The following PFKFB3 variants were observed in gnomAD, a reference collection of about 807,000 sequenced individuals.
The protein encoded by PFKFB3 is 6-phosphofructo-2-kinase/fructose-2,6-biphosphatase 3.
In PFKFB3, 33 loss-of-function variants were observed where a neutral mutation model predicts 68.0. The ratio of observed to expected loss-of-function variants is 0.49; its 90% confidence interval spans 0.37 to 0.65. PFKFB3 has a LOEUF of 0.65. Among genes scored for constraint, PFKFB3 ranks in the 30% least tolerant of loss-of-function variants. The probability of loss-of-function intolerance (pLI) is 0.00; values close to 1 mark genes in which losing one functional copy is unlikely to be tolerated. For missense variants in PFKFB3, 586 were observed against 712.2 expected (o/e 0.82, Z 2.02); for synonymous variants, 315 against 288.2 (o/e 1.09, Z -0.94).
intron 14 of PFKFB3, chr10:6,231,638 T>C: frequency 1.0e-6 from 1 of 957,664 alleles, no homozygotes; most frequent in Non-Finnish European, 1.2e-6. Context: ...CGGAGGGAAA[T>C]GTCAGCCCTG....
At chr10:6,189,046 A>C (rs528230403) in intron 1 of PFKFB3, among the ~76,000 whole-genome samples, 1 of 152,018 alleles carries the variant, frequency 6.6e-6, no homozygotes, top group African/African-American at 2.4e-5. Flanking sequence ...TCACTGTGTT[A>C]GCCAGGATGG....
At chr10:6,291,954 T>TG in the PFKFB3 span, among the ~76,000 whole-genome samples, 1 of 145,084 alleles carries the variant, frequency 6.9e-6, no homozygotes, top group African/African-American at 2.6e-5. Context: ...GGTTTTTTTT[T>TG]TTTTTTTTTT....
the PFKFB3 span, among the ~76,000 whole-genome samples, chr10:6,273,326 G>A: frequency 2.8e-4 from 43 of 152,020 alleles, no homozygotes; most frequent in African/African-American, 4.1e-4. Context: ...AGTTTTCCCC[G>A]TTCCTCTTCT....
chr10:6,232,365 C>G (rs1349767094), intron 14 of PFKFB3, among the ~76,000 whole-genome samples: 1 of 152,106 alleles, frequency 6.6e-6, no homozygotes, highest in African/African-American at 2.4e-5. Context: ...CTGCCTGGCT[C>G]CCCACCTGGG....
chr10:6,326,516 C>G, the PFKFB3 span: 2 of 455,034 alleles, frequency 4.4e-6, no homozygotes, highest in Non-Finnish European at 8.8e-6. Flanking sequence ...ACATTTGGAA[C>G]TGTGCTGATA....
At chr10:6,161,977 A>G (rs1841987293) in intron 1 of PFKFB3, among the ~76,000 whole-genome samples, 1 of 152,198 alleles carries the variant, frequency 6.6e-6, no homozygotes, top group South Asian at 2.1e-4. Flanking sequence ...AACCATCACC[A>G]CCAACCATCT....
At chr10:6,226,593 C>A in intron 14 of PFKFB3, 1 of 552,526 alleles carries the variant, frequency 1.8e-6, no homozygotes, top group South Asian at 2.2e-5. Context: ...ATCCTGGGGG[C>A]TTTCCTTGCT....
chr10:6,245,287 G>A (rs1846229455), intron 14 of PFKFB3, among the ~76,000 whole-genome samples: 1 of 151,904 alleles, frequency 6.6e-6, no homozygotes, highest in Non-Finnish European at 1.5e-5. Context: ...AGTAGAGACG[G>A]GGTTTCACCA....
intron 14 of PFKFB3, among the ~76,000 whole-genome samples, chr10:6,241,919 G>A (rs181799173): frequency 2.0e-5 from 3 of 149,232 alleles, no homozygotes; most frequent in East Asian, 4.0e-4. Flanking sequence ...AATTATAGCT[G>A]ACTGCAGCCT....
chr10:6,146,162 C>T (rs1333892220), intron 1 of PFKFB3: 15 of 931,094 alleles, frequency 1.6e-5, no homozygotes, highest in Non-Finnish European at 1.9e-5. Flanking sequence ...CCTGGCCTCC[C>T]CTGGCACTGG....
rs1463000014 is a variant in PFKFB3 at position 6,203,003 on chromosome 10, C to T, written c.-258C>T. 1 of 1,360,280 alleles carries T rather than the reference C, an allele frequency of 7.4e-7. No individual in the cohort carries two copies. The allele number at this position is 1,360,280 out of a possible 1,614,324, so 84.3% of individuals were successfully genotyped here. On this transcript the variant is annotated 5_prime_UTR_variant, in exon 1 of 15. Coordinates refer to ENST00000379775, the MANE Select transcript of PFKFB3 (RefSeq NM_004566.4). ...GCGGCTGTCACTGCGCCCGAGCATC[C>T]CAGAGCTTTCCGAGCGGACGAGCCG...
chr10:6,185,263 C>A (rs1842837736), intron 1 of PFKFB3, among the ~76,000 whole-genome samples: 1 of 152,214 alleles, frequency 6.6e-6, no homozygotes, highest in Non-Finnish European at 1.5e-5. Flanking sequence ...GAACTGCTGG[C>A]TTCCTCCGTA....
At chr10:6,199,658 A>ATTTTTTTTT (rs143309528), upstream of PFKFB3, among the ~76,000 whole-genome samples, 33 of 75,586 alleles carry the variant, frequency 4.4e-4, 1 homozygote, top group African/African-American at 9.1e-4. Flanking sequence ...CTATTTTTAA[A>ATTTTTTTTT]TTTTTTTTTT....
In PFKFB3 at chr10:6,215,407, G is replaced by T. The variant is rs572218601; in HGVS notation, c.299+90G>T. 2 of 932,842 alleles carry T rather than the reference G, an allele frequency of 2.1e-6. No homozygotes were observed. Among genetic ancestry groups the T allele is most frequent in the East Asian group, 2.6e-5 (1 of 38,322 alleles). 57.8% of individuals were successfully genotyped at this position (932,842 alleles called of 1,614,324 possible). A position where few individuals can be genotyped will look rare whatever the true frequency, so the allele number is the denominator to read the frequency against. On this transcript the variant is annotated intron_variant, in intron 3 of 14. Transcript: ENST00000379775. This position sits in a 1 kb window ranked among gnomAD's most constrained non-coding sequence, Gnocchi z 4.3. ...TGGGCTGCAGGAGTAAGGCTGGGCC[G>T]CGGGCGTAGGGCTGGGCTGTGGGAA...
At chr10:6,265,908 A>G in the PFKFB3 span, among the ~76,000 whole-genome samples, 3 of 145,972 alleles carry the variant, frequency 2.1e-5, no homozygotes, top group Non-Finnish European at 3.0e-5. Context: ...TTGTTTTTCT[A>G]TTTATTATTA....
chr10:6,265,389 T>C, the PFKFB3 span, among the ~76,000 whole-genome samples: 1 of 152,054 alleles, frequency 6.6e-6, no homozygotes, highest in African/African-American at 2.4e-5. Context: ...CCTAATTTGG[T>C]ATAGTTTCTT....
At chr10:6,318,970 T>C in the PFKFB3 span, among the ~76,000 whole-genome samples, 3 of 152,128 alleles carry the variant, frequency 2.0e-5, no homozygotes, top group Non-Finnish European at 4.4e-5. Context: ...GAGACTCACA[T>C]TTTCCCATAC....
In PFKFB3 at chr10:6,153,952, G is replaced by A. The variant is rs1038800373; in HGVS notation, c.16+8939G>A. 8.5e-5 allele frequency among the ~76,000 whole-genome samples: 13 copies of A among 152,314 alleles called. No homozygotes were observed. In the East Asian group the frequency reaches 2.3e-3, roughly 27 times the overall value. Reference sequence around the variant, plus strand: ...CAGGGGACATTTGGACCAAGACTGAGGGGAGTGAGACAGCCTGAGGGGAGT... The same window carrying A: ...CAGGGGACATTTGGACCAAGACTGAAGGGAGTGAGACAGCCTGAGGGGAGT... On this transcript the variant is annotated intron_variant, in intron 1 of 14. Transcript: ENST00000379789.
chr10:6,184,700 G>T (rs1842821681), intron 1 of PFKFB3, among the ~76,000 whole-genome samples: 1 of 151,300 alleles, frequency 6.6e-6, no homozygotes. Flanking sequence ...TCGAACTCCT[G>T]ACCTCAGGTG....
Sources: gnomAD v4.1 joint callset for allele counts (sites outside exome capture counted in the v4.1 genomes callset) on GRCh38, gnomAD v4.1.1 for gene constraint, Gnocchi (gnomAD v3.1) non-coding constraint, MANE v1.5 for transcripts, NCBI Gene and HGNC (gene_info 2026-07-23, HGNC 2026-07-21) for gene names.